Variants in ANKS4B observed in about 807,000 individuals in gnomAD.
ANKS4B encodes the protein ankyrin repeat and sterile alpha motif domain containing 4B.
In ANKS4B, 21 loss-of-function variants were observed where a neutral mutation model predicts 20.2. The observed-to-expected ratio is 1.04, with a 90% CI of 0.74 to 1.50. The LOEUF (loss-of-function observed/expected upper bound fraction) is 1.50. Among genes scored for constraint, ANKS4B ranks in the 40% most tolerant of loss-of-function variants. The pLI, the probability that ANKS4B is intolerant of heterozygous loss-of-function variation, is 0.00. For missense variants in ANKS4B, 473 were observed against 494.6 expected (o/e 0.96, Z 0.41); for synonymous variants, 179 against 194.5 (o/e 0.92, Z 0.66).
intron 1 of ANKS4B, among the ~76,000 whole-genome samples, chr16:21,248,939 T>G (rs1389252298): frequency 2.0e-5 from 3 of 152,218 alleles, no homozygotes; most frequent in Admixed American, 6.5e-5. Context: ...CATTGGTAGC[T>G]TGAAATTTGC....
Position 21,249,918 on chromosome 16 carries a change from G to A in ANKS4B, c.352G>A (p.Asp118Asn), listed in dbSNP as rs762521789. The A allele has an allele frequency of 6.2e-7, 1 of 1,614,132 alleles. No homozygotes were observed. Among genetic ancestry groups the A allele is most frequent in the Admixed American group, 1.7e-5 (1 of 60,018 alleles). Residue 118 changes from aspartate to asparagine, a missense_variant, in exon 2 of 2, where the codon GAC (aspartate) becomes AAC (asparagine). Asp to Asn is a conservative substitution (Grantham distance 23). Transcript: ENST00000311620. ...GCAGAATGAATGTGTTGCTCTCCTGGACAAGGCTGCCACTGCACAGAACAT... is the reference window on the plus strand; with the variant it reads ...GCAGAATGAATGTGTTGCTCTCCTGAACAAGGCTGCCACTGCACAGAACAT... ...REQNECVALL[D>N]KAATAQNIMN...
chr16:21,244,753 G>C (rs1359745080), intron 1 of ANKS4B, among the ~76,000 whole-genome samples: 1 of 152,086 alleles, frequency 6.6e-6, no homozygotes, highest in African/African-American at 2.4e-5. Context: ...CTTAAGATGC[G>C]GGTCTGTGCC....
rs779384888 is a variant in ANKS4B, at chr16:21,250,297, G to A, written c.731G>A (p.Gly244Glu). The A allele has an allele frequency of 7.7e-5, 125 of 1,614,040 alleles. No homozygotes were observed. In the South Asian group the frequency reaches 1.2e-3, roughly 16 times the overall value. Residue 244 changes from glycine (G) to glutamate (E), a missense_variant, in exon 2 of 2, where the codon GGG becomes GAG. Physicochemically the swap from Gly to Glu is moderately conservative, Grantham distance 98 (BLOSUM62 -2). Transcript: ENST00000311620. ...FREEEEDSFS[G>E]DFKEKLQLSA... ...GAGGAAGAGGAAGACTCGTTCTCAGGGGACTTCAAAGAGAAGCTCCAGTTG... is the reference window on the plus strand; with the variant it reads ...GAGGAAGAGGAAGACTCGTTCTCAGAGGACTTCAAAGAGAAGCTCCAGTTG...
At chr16:21,237,180 C>T (rs951288790) in intron 1 of ANKS4B, among the ~76,000 whole-genome samples, 9 of 151,990 alleles carry the variant, frequency 5.9e-5, no homozygotes, top group African/African-American at 1.5e-4. Context: ...ACTACCACGC[C>T]GGGCTAATTT....
At chr16:21,246,228 G>T (rs2152859801) in intron 1 of ANKS4B, among the ~76,000 whole-genome samples, 1 of 152,304 alleles carries the variant, frequency 6.6e-6, no homozygotes, top group East Asian at 1.9e-4. Flanking sequence ...TTTACATTTT[G>T]TATTTGTCTT....
intron 1 of ANKS4B, chr16:21,243,845 T>A (rs958944454): frequency 2.0e-4 from 30 of 152,336 alleles, no homozygotes; most frequent in African/African-American, 7.0e-4. Context: ...AGTGCTGGGA[T>A]TACAGACATA....
intron 1 of ANKS4B, among the ~76,000 whole-genome samples, chr16:21,245,831 A>G (rs1313491877): frequency 6.6e-6 from 1 of 152,238 alleles, no homozygotes; most frequent in Non-Finnish European, 1.5e-5. Flanking sequence ...GAATACAAGG[A>G]AAAATAAATA....
chr16:21,240,401 G>A (rs2093325114), intron 1 of ANKS4B, among the ~76,000 whole-genome samples: 1 of 151,968 alleles, frequency 6.6e-6, no homozygotes, highest in Admixed American at 6.6e-5. Context: ...TGATTCTCCT[G>A]CCTCAGCCTC....
Position 21,251,948 on chromosome 16 carries a change from T to G in ANKS4B, c.*1128T>G, listed in dbSNP as rs2152860260. On this transcript the variant is annotated 3_prime_UTR_variant, in exon 2 of 2. Transcript: ENST00000311620. The stretch of plus-strand genomic sequence containing the variant: ...TTTTTTTCCCTTTTTTTTTTTTTTT[T>G]TGAGATGGAGCCTTGCTCTGTCACT... The G allele has an allele frequency of 6.6e-6, 1 of 150,602 alleles. No homozygotes were observed. Among genetic ancestry groups the G allele is most frequent in the South Asian group, 2.1e-4 (1 of 4,718 alleles). 9.3% of individuals were successfully genotyped at this position (150,602 alleles called of 1,614,324 possible).
intron 1 of ANKS4B, among the ~76,000 whole-genome samples, chr16:21,236,444 G>A (rs941167343): frequency 2.0e-5 from 3 of 152,126 alleles, no homozygotes; most frequent in African/African-American, 7.2e-5. Context: ...GGGGGTTCTG[G>A]GGTTCTTCTC....
At chr16:21,242,975 A>G (rs1306499287) in intron 1 of ANKS4B, among the ~76,000 whole-genome samples, 1 of 152,186 alleles carries the variant, frequency 6.6e-6, no homozygotes, top group East Asian at 1.9e-4. Flanking sequence ...AAAACCAAGT[A>G]TTACTATTCT....
In ANKS4B at chr16:21,250,964, C is replaced by A. The variant is rs560782195; in HGVS notation, c.*144C>A. On this transcript the variant is annotated 3_prime_UTR_variant, in exon 2 of 2. Coordinates refer to ENST00000311620, the MANE Select transcript of ANKS4B (RefSeq NM_145865.3). Reference sequence around the variant, plus strand: ...TGCCTACCTGAGAGAGAGACCCAAACTTTACTCTGGGAGGTAGGCTATGCC... The same window carrying A: ...TGCCTACCTGAGAGAGAGACCCAAAATTTACTCTGGGAGGTAGGCTATGCC... 3.2e-4 allele frequency: 385 copies of A among 1,198,506 alleles called. No homozygotes were observed. The highest frequency in any genetic ancestry group is 5.8e-5 in the Non-Finnish European group (51 of 876,170). 74.2% of individuals were successfully genotyped at this position (1,198,506 alleles called of 1,614,324 possible).
At position 21,239,155 on chromosome 16, in the gene ANKS4B, G is replaced by C. The variant is rs188267571; in HGVS notation, c.164+5254G>C. Among the ~76,000 whole-genome samples, 28 of 152,282 alleles carry C rather than the reference G, an allele frequency of 1.8e-4. 2 individuals are homozygous for C. The South Asian group carries it at 3.9e-3, about 21-fold the overall frequency. ...GAAAAGCGAACACTTATACACTGTTGGTGGGAGTGTAAATTAGTTCAACCA... is the reference window on the plus strand; with the variant it reads ...GAAAAGCGAACACTTATACACTGTTCGTGGGAGTGTAAATTAGTTCAACCA... On this transcript the variant is annotated intron_variant, in intron 1 of 1. Coordinates refer to ENST00000311620, the MANE Select transcript of ANKS4B (RefSeq NM_145865.3).
intron 1 of ANKS4B, among the ~76,000 whole-genome samples, chr16:21,242,994 G>A (rs567194322): frequency 4.6e-5 from 7 of 152,116 alleles, no homozygotes; most frequent in Non-Finnish European, 7.4e-5. Flanking sequence ...CTTTTTAATC[G>A]TTGCCTATCT....
chr16:21,242,720 G>A (rs1268446483), intron 1 of ANKS4B, among the ~76,000 whole-genome samples: 1 of 152,200 alleles, frequency 6.6e-6, no homozygotes. Context: ...TATGTAATCA[G>A]TTGACTATTC....
chr16:21,238,148 C>T (rs1386364807), intron 1 of ANKS4B, among the ~76,000 whole-genome samples: 1 of 152,112 alleles, frequency 6.6e-6, no homozygotes, highest in African/African-American at 2.4e-5. Context: ...CCAGCCTGGG[C>T]AACAGAGTGA....
At position 21,251,512 on chromosome 16, in the gene ANKS4B, A is replaced by G. The variant is rs2093339464; in HGVS notation, c.*692A>G. 1 of 152,194 alleles carries G rather than the reference A, an allele frequency of 6.6e-6. No individual in the cohort carries two copies. The allele number at this position is 152,194 out of a possible 1,614,324, so 9.4% of individuals were successfully genotyped here. A position where few individuals can be genotyped will look rare whatever the true frequency, so the allele number is the denominator to read the frequency against. On this transcript the variant is annotated 3_prime_UTR_variant, in exon 2 of 2. Coordinates refer to ENST00000311620, the MANE Select transcript of ANKS4B (RefSeq NM_145865.3). The stretch of plus-strand genomic sequence containing the variant: ...CTGGATTTAAAATTATAATCTCATC[A>G]CATTATCCTGCTGCTTGCTTTCCGA...
At position 21,238,171 on chromosome 16, in the gene ANKS4B, A is replaced by AAAAAC. The variant is rs545340663; in HGVS notation, c.164+4290_164+4294dup. On this transcript the variant is annotated intron_variant, in intron 1 of 1. Transcript: ENST00000311620. ...GGCAACAGAGTGAGACTCTGTCTCA[A>AAAAAC]AAAACAAAACAAAACAAAACAAAAT... 2.9e-4 allele frequency among the ~76,000 whole-genome samples: 44 copies of AAAAAC among 152,316 alleles called. 1 individual carries two copies. The South Asian group carries it at 6.7e-3, about 23-fold the overall frequency.
At chr16:21,240,540 T>C (rs901506707) in intron 1 of ANKS4B, among the ~76,000 whole-genome samples, 3 of 152,172 alleles carry the variant, frequency 2.0e-5, no homozygotes, top group African/African-American at 7.2e-5. Flanking sequence ...TATTGTAATA[T>C]TTCACATCAT....
Sources: allele counts gnomAD v4.1 joint callset (sites outside exome capture counted in the v4.1 genomes callset), GRCh38; gene constraint gnomAD v4.1.1; transcripts MANE v1.5; gene names NCBI Gene and HGNC (gene_info 2026-07-23, HGNC 2026-07-21).